TUSC3: variants seen among roughly 807,000 people sequenced by gnomAD.
TUSC3 encodes tumor suppressor candidate 3, also known as dolichyl-diphosphooligosaccharide--protein glycosyltransferase subunit TUSC3.
Under a neutral mutation model 44.8 loss-of-function variants are expected in TUSC3, and 45 were observed. That is an observed-to-expected ratio of 1.00 (90% CI 0.79 to 1.29). The LOEUF (loss-of-function observed/expected upper bound fraction) is 1.29. TUSC3 is among the 50% of genes most tolerant of loss of function. The pLI is 0.00. For synonymous variants in TUSC3, 212 were observed against 152.9 expected, an observed-to-expected ratio of 1.39 and a Z score of -2.85; for missense variants, 519 against 437.9, an observed-to-expected ratio of 1.19 and a Z score of -1.65.
the TUSC3 span, among the ~76,000 whole-genome samples, chr8:15,794,311 C>T: frequency 6.6e-6 from 1 of 152,080 alleles, no homozygotes; most frequent in African/African-American, 2.4e-5. Context: ...CTTATTTTCT[C>T]TAGTAAACTT....
rs565634325 is a variant in TUSC3 at position 15,680,531 on chromosome 8, C to T, written c.798+6695C>T. 2.6e-5 allele frequency among the ~76,000 whole-genome samples: 4 copies of T among 152,184 alleles called. No individual in the cohort carries two copies. The South Asian group carries it at 8.3e-4, about 32-fold the overall frequency. The stretch of plus-strand genomic sequence containing the variant: ...TCTAGATACAGAATCATATAGTCTG[C>T]AAAGAGAGATACTTTGACTTATTCT... On this transcript the variant is annotated intron_variant, in intron 6 of 10. Coordinates refer to ENST00000503731, the MANE Select transcript of TUSC3 (RefSeq NM_006765.4).
chr8:15,800,293 G>A, the TUSC3 span, among the ~76,000 whole-genome samples: 1 of 152,168 alleles, frequency 6.6e-6, no homozygotes, highest in African/African-American at 2.4e-5. Context: ...CTCAGGCTGG[G>A]CATGGTAGCT....
At chr8:15,446,149 C>CT (rs1800094561) in intron 1 of TUSC3, among the ~76,000 whole-genome samples, 1 of 149,464 alleles carries the variant, frequency 6.7e-6, no homozygotes, top group South Asian at 2.1e-4. Flanking sequence ...CGGGCAGAGG[C>CT]GCTCCTCACA....
chr8:15,562,970 G>C (rs1248932637), intron 1 of TUSC3, among the ~76,000 whole-genome samples: 4 of 151,392 alleles, frequency 2.6e-5, no homozygotes, highest in East Asian at 1.9e-4. Context: ...GCGCTGTTCT[G>C]CTATATCACA....
At chr8:15,525,545 T>G (rs1198059166) in intron 2 of TUSC3, among the ~76,000 whole-genome samples, 1 of 152,188 alleles carries the variant, frequency 6.6e-6, no homozygotes. Context: ...AAACAAAAGC[T>G]CTTTGGCTCC....
chr8:15,763,393 ATGT>A (rs749345367), intron 10 of TUSC3, among the ~76,000 whole-genome samples: 32 of 150,656 alleles, frequency 2.1e-4, no homozygotes, highest in Admixed American at 5.3e-4. Context: ...TTTTTTTTTG[ATGT>A]TGTTGTTTTT....
At chr8:15,796,058 CTGTT>C in the TUSC3 span, among the ~76,000 whole-genome samples, 10,450 of 152,194 alleles carry the variant, frequency 0.069, 437 homozygotes, top group Middle Eastern at 0.11. Flanking sequence ...CTCAGGTAAG[CTGTT>C]TGTTCAGCTT....
At chr8:15,552,951 A>T (rs1802109375) in intron 1 of TUSC3, among the ~76,000 whole-genome samples, 1 of 151,660 alleles carries the variant, frequency 6.6e-6, no homozygotes, top group Non-Finnish European at 1.5e-5. Flanking sequence ...AAATACTTGG[A>T]TTCCAGAGTT....
chr8:15,646,937 C>G (rs1350691890), intron 2 of TUSC3, among the ~76,000 whole-genome samples: 1 of 152,132 alleles, frequency 6.6e-6, no homozygotes, highest in African/African-American at 2.4e-5. Context: ...CACTGTAACA[C>G]TAAATAACAT....
chr8:15,550,541 A>T (rs550622987), intron 1 of TUSC3, among the ~76,000 whole-genome samples: 15 of 151,760 alleles, frequency 9.9e-5, no homozygotes, highest in African/African-American at 3.6e-4. Context: ...ATTATCAAGA[A>T]TTTATGCTGT....
chr8:15,484,317 A>G (rs915516304), intron 2 of TUSC3, among the ~76,000 whole-genome samples: 1 of 152,222 alleles, frequency 6.6e-6, no homozygotes, highest in African/African-American at 2.4e-5. Context: ...GTGTTATCAC[A>G]TTAATCTCTC....
At chr8:15,440,899 T>A (rs996239202) in intron 1 of TUSC3, among the ~76,000 whole-genome samples, 2 of 152,164 alleles carry the variant, frequency 1.3e-5, no homozygotes, top group Non-Finnish European at 2.9e-5. Flanking sequence ...AGGATAACTC[T>A]AACAAAGAGG....
At position 15,735,497 on chromosome 8, in the gene TUSC3, A is replaced by C. The variant is rs900291773; in HGVS notation, c.862+4768A>C. Among the ~76,000 whole-genome samples, 6 of 152,364 alleles carry C rather than the reference A, an allele frequency of 3.9e-5. No homozygotes were observed. The South Asian group carries it at 1.2e-3, about 32-fold the overall frequency. On this transcript the variant is annotated intron_variant, in intron 7 of 10. Coordinates refer to ENST00000503731, the MANE Select transcript of TUSC3 (RefSeq NM_006765.4). ...TAATTTGTTTAAATTGCTTAAGATC[A>C]TAAAGCCAATCAGTTGAAGAGTCAA...
chr8:15,837,363 G>A, the TUSC3 span, among the ~76,000 whole-genome samples: 1 of 152,012 alleles, frequency 6.6e-6, no homozygotes, highest in East Asian at 1.9e-4. Context: ...TAAATGTATT[G>A]GATTATGTAT....
intron 7 of TUSC3, among the ~76,000 whole-genome samples, 167 bp downstream of exon 7, chr8:15,730,896 G>T (rs1181052811): frequency 6.6e-6 from 1 of 151,872 alleles, no homozygotes; most frequent in Non-Finnish European, 1.5e-5. Flanking sequence ...TCCTATTACG[G>T]TATAATTTGT....
At chr8:15,443,244 G>T (rs1371379637) in intron 1 of TUSC3, among the ~76,000 whole-genome samples, 1 of 151,590 alleles carries the variant, frequency 6.6e-6, no homozygotes, top group Non-Finnish European at 1.5e-5. Flanking sequence ...TGTGATCACA[G>T]CTCACTGCAG....
chr8:15,453,512 C>T (rs893162936), intron 1 of TUSC3, among the ~76,000 whole-genome samples: 1 of 152,170 alleles, frequency 6.6e-6, no homozygotes, highest in African/African-American at 2.4e-5. Context: ...TGACTTAATG[C>T]AACTGCTATG....
the TUSC3 span, among the ~76,000 whole-genome samples, chr8:15,797,415 G>C: frequency 6.6e-6 from 1 of 152,054 alleles, no homozygotes; most frequent in Non-Finnish European, 1.5e-5. Context: ...GAGGGACTTA[G>C]CACTGTGAAT....
At chr8:15,563,685 C>CAAAAAAAAAAAAAAAAAAAAAAAA (rs150368776) in intron 1 of TUSC3, among the ~76,000 whole-genome samples, 6 of 79,952 alleles carry the variant, frequency 7.5e-5, no homozygotes, top group African/African-American at 1.1e-4. Flanking sequence ...GCCTCCATCT[C>CAAAAAAAAAAAAAAAAAAAAAAAA]AAAAAAAAAA....
Sources: gnomAD v4.1 joint callset for allele counts (sites outside exome capture counted in the v4.1 genomes callset) on GRCh38, gnomAD v4.1.1 for gene constraint, MANE v1.5 for transcripts, NCBI Gene and HGNC (gene_info 2026-07-23, HGNC 2026-07-21) for gene names.